The following TMEM51 variants were observed in gnomAD, a reference collection of about 807,000 sequenced individuals.
The protein encoded by TMEM51 is transmembrane protein 51.
A neutral mutation model predicts 13.6 loss-of-function variants in TMEM51; 8 were observed. The ratio of observed to expected loss-of-function variants is 0.59; its 90% confidence interval spans 0.35 to 1.07. The LOEUF is 1.07. TMEM51 is among the 50% of genes least tolerant of loss of function. The pLI, the probability that TMEM51 is intolerant of heterozygous loss-of-function variation, is 0.02. For missense variants in TMEM51, 279 were observed against 330.7 expected, an observed-to-expected ratio of 0.84 and a Z score of 1.21; for synonymous variants, 147 against 144.4, an observed-to-expected ratio of 1.02 and a Z score of -0.13.
chr1:15,185,384 AAACCT>A (rs1643744131), intron 1 of TMEM51, among the ~76,000 whole-genome samples: 1 of 152,222 alleles, frequency 6.6e-6, no homozygotes, highest in African/African-American at 2.4e-5. Context: ...CTAACTCATG[AAACCT>A]GAGAATTTCA....
chr1:15,166,064 G>A (rs1642986249), intron 1 of TMEM51, among the ~76,000 whole-genome samples: 1 of 152,168 alleles, frequency 6.6e-6, no homozygotes, highest in African/African-American at 2.4e-5. Flanking sequence ...CAGCAGTTAT[G>A]GATGGGGGTA....
rs200119964 is a variant in TMEM51 at position 15,219,075 on chromosome 1, G to A, written c.345-251G>A. 2.7e-5 allele frequency among the ~76,000 whole-genome samples: 3 copies of A among 109,504 alleles called. No homozygotes were observed. The Admixed American group carries it at 2.8e-4, about 10-fold the overall frequency. 71.8% of individuals were successfully genotyped at this position (109,504 alleles called of 152,430 possible). ...TAAGCCCCAATTTGGGGACTCACCT[G>A]TCCTGTCCTGCATGACTAGTACTTA... is the stretch of plus-strand genomic sequence containing the variant. On this transcript the variant is annotated intron_variant, in intron 3 of 3. Coordinates refer to ENST00000376008, the MANE Select transcript of TMEM51 (RefSeq NM_001136218.2).
chr1:15,200,014 C>A (rs567501255), intron 1 of TMEM51, among the ~76,000 whole-genome samples: 1 of 152,052 alleles, frequency 6.6e-6, no homozygotes, highest in Non-Finnish European at 1.5e-5. Context: ...AGGGCCTAAG[C>A]GAAGCAAATG....
At chr1:15,198,291 G>A (rs186301368) in intron 1 of TMEM51, among the ~76,000 whole-genome samples, 150 of 152,242 alleles carry the variant, frequency 9.9e-4, no homozygotes, top group Non-Finnish European at 1.3e-3. Context: ...ACATGCAACC[G>A]CTAGTGAGCT....
intron 1 of TMEM51, among the ~76,000 whole-genome samples, chr1:15,184,272 A>G (rs1643704555): frequency 6.6e-6 from 1 of 152,140 alleles, no homozygotes; most frequent in Non-Finnish European, 1.5e-5. Context: ...TGATCCGCCC[A>G]CCTCGGCCTC....
At chr1:15,155,329 G>A (rs1642553160) in intron 1 of TMEM51, among the ~76,000 whole-genome samples, 1 of 152,216 alleles carries the variant, frequency 6.6e-6, no homozygotes. Context: ...CTCATGAAAA[G>A]TGTTGCAGAA....
chr1:15,194,968 A>G (rs1573425068), intron 1 of TMEM51, among the ~76,000 whole-genome samples: 1 of 127,848 alleles, frequency 7.8e-6, no homozygotes, highest in African/African-American at 3.1e-5. Context: ...TGTGTCACCC[A>G]GGCTGGAGTG....
chr1:15,192,425 A>G, intron 1 of TMEM51: 1 of 273,482 alleles, frequency 3.7e-6, no homozygotes, highest in Non-Finnish European at 6.8e-6. Context: ...TGGCAGTGCT[A>G]CTTTTTTTCT....
At chr1:15,152,719 T>C (rs1174441910), upstream of TMEM51, 2 of 152,232 alleles carry the variant, frequency 1.3e-5, no homozygotes, top group Non-Finnish European at 2.9e-5. Flanking sequence ...CAGCCCACCC[T>C]AGTTCGGGCG....
chr1:15,176,115 C>T (rs1438968562), intron 1 of TMEM51, among the ~76,000 whole-genome samples: 2 of 152,216 alleles, frequency 1.3e-5, no homozygotes, highest in African/African-American at 2.4e-5. Flanking sequence ...TGAGAACAGG[C>T]CTTTGGCTTG....
At chr1:15,196,398 G>A (rs1298165713) in intron 1 of TMEM51, among the ~76,000 whole-genome samples, 2 of 151,554 alleles carry the variant, frequency 1.3e-5, no homozygotes, top group Admixed American at 6.6e-5. Context: ...GTGTGCATGT[G>A]TGTGTGTGTG....
intron 1 of TMEM51, among the ~76,000 whole-genome samples, chr1:15,197,406 C>T (rs1334655652): frequency 2.6e-5 from 4 of 152,166 alleles, no homozygotes; most frequent in Non-Finnish European, 5.9e-5. Flanking sequence ...GCGCTTGAGA[C>T]TGACCGGTGC....
intron 1 of TMEM51, among the ~76,000 whole-genome samples, chr1:15,174,228 T>G (rs1331128268): frequency 6.6e-6 from 1 of 152,188 alleles, no homozygotes; most frequent in Admixed American, 6.5e-5. Context: ...GTAGCCTTCG[T>G]TGATAGAATC....
chr1:15,188,570 C>T (rs1643856341), intron 1 of TMEM51, among the ~76,000 whole-genome samples: 1 of 152,236 alleles, frequency 6.6e-6, no homozygotes, highest in South Asian at 2.1e-4. Context: ...GTGCAACAGG[C>T]TTGGATAGCT....
intron 1 of TMEM51, chr1:15,168,498 T>C (rs1643109869): frequency 1.5e-6 from 2 of 1,304,014 alleles, no homozygotes; most frequent in South Asian, 1.2e-5. Context: ...TTATGTATTA[T>C]TGCCCCTTGG....
chr1:15,193,274 C>T (rs1362812019), intron 1 of TMEM51, among the ~76,000 whole-genome samples: 1 of 152,270 alleles, frequency 6.6e-6, no homozygotes, highest in Non-Finnish European at 1.5e-5. Flanking sequence ...CCTCTCCAGG[C>T]TGCCACTGCC....
At chr1:15,184,928 T>C in intron 1 of TMEM51, among the ~76,000 whole-genome samples, 1 of 151,924 alleles carries the variant, frequency 6.6e-6, no homozygotes, top group East Asian at 1.9e-4. Context: ...CAACCGACAT[T>C]GCACAGCACA....
intron 1 of TMEM51, among the ~76,000 whole-genome samples, chr1:15,182,234 A>G (rs988545128): frequency 3.7e-4 from 56 of 152,350 alleles, no homozygotes; most frequent in African/African-American, 1.3e-3. Flanking sequence ...GCAGAATGGC[A>G]GTACATAATA....
chr1:15,199,869 T>G (rs1016508070), intron 1 of TMEM51, among the ~76,000 whole-genome samples: 3 of 152,172 alleles, frequency 2.0e-5, no homozygotes, highest in African/African-American at 7.2e-5. Context: ...GTGCCCTGAC[T>G]TCTCTGCGAA....
Sources: gnomAD v4.1 joint callset for allele counts (sites outside exome capture counted in the v4.1 genomes callset) on GRCh38, gnomAD v4.1.1 for gene constraint, MANE v1.5 for transcripts, NCBI Gene and HGNC (gene_info 2026-07-23, HGNC 2026-07-21) for gene names.